The following HCN1 variants were observed in gnomAD, a reference collection of about 807,000 sequenced individuals.
HCN1 encodes the protein potassium/sodium hyperpolarization-activated cyclic nucleotide-gated channel 1.
HCN1 carries 13 observed loss-of-function variants against 78.9 expected under a neutral mutation model. The observed-to-expected ratio is 0.16, with a 90% CI of 0.11 to 0.26. The LOEUF is 0.26. Ranked by LOEUF, HCN1 falls within the 10% of genes least tolerant of loss-of-function variation. HCN1 has a pLI of 1.00. For synonymous variants in HCN1, 552 were observed against 455.5 expected (o/e 1.21, Z -2.70); for missense variants, 810 against 1,154.3 (o/e 0.70, Z 4.32).
In HCN1 at chr5:45,262,030, C is replaced by T. The variant is rs755932633; in HGVS notation, c.2564G>A (p.Gly855Glu). The T allele has an allele frequency of 1.9e-6, 3 of 1,613,986 alleles. No homozygotes were observed. Among genetic ancestry groups the T allele is most frequent in the African/African-American group, 2.7e-5 (2 of 75,024 alleles). Residue 855 changes from glycine (G) to glutamate (E), a missense_variant, in exon 8 of 8, where the codon GGA becomes GAA. Coordinates refer to ENST00000303230, the MANE Select transcript of HCN1 (RefSeq NM_021072.4). ...TGGTGGAGGGGGTGCTGGAGGGACT[C>T]CTCGGTTCGGGGGGATGGCTCCCGA... is the stretch of plus-strand genomic sequence containing the variant. ...MSSGAIPPNRGVPPAPPPPAA... is the reference protein window; with the variant it reads ...MSSGAIPPNREVPPAPPPPAA...
chr5:45,668,796 T>A (rs1253616025), intron 1 of HCN1, among the ~76,000 whole-genome samples: 5 of 151,790 alleles, frequency 3.3e-5, no homozygotes, highest in African/African-American at 1.2e-4. Context: ...TTTTCCAAAT[T>A]AATTGCTCTT....
At chr5:45,501,602 G>A (rs944488466) in intron 2 of HCN1, among the ~76,000 whole-genome samples, 1 of 151,890 alleles carries the variant, frequency 6.6e-6, no homozygotes, top group Non-Finnish European at 1.5e-5. Context: ...CACCACGCCC[G>A]GTTAATTTTT....
chr5:45,476,856 T>G (rs746385753), intron 2 of HCN1, among the ~76,000 whole-genome samples: 1 of 152,104 alleles, frequency 6.6e-6, no homozygotes, highest in East Asian at 1.9e-4. Context: ...ATGCACAAAA[T>G]TAATTAATAT....
At chr5:45,314,030 C>T (rs1023377969) in intron 5 of HCN1, among the ~76,000 whole-genome samples, 14 of 151,674 alleles carry the variant, frequency 9.2e-5, no homozygotes, top group Middle Eastern at 3.4e-3. Context: ...CACAAAGATA[C>T]GAGAAGAGCA....
At chr5:45,439,803 G>A (rs1033472040) in intron 3 of HCN1, among the ~76,000 whole-genome samples, 1 of 151,826 alleles carries the variant, frequency 6.6e-6, no homozygotes, top group Non-Finnish European at 1.5e-5. Context: ...GTTCACAGAC[G>A]AAGACAAACT....
chr5:45,524,974 G>C (rs1273688344), intron 2 of HCN1, among the ~76,000 whole-genome samples: 2 of 152,082 alleles, frequency 1.3e-5, no homozygotes, highest in African/African-American at 4.8e-5. Flanking sequence ...TGCCCATTCA[G>C]TATGATATTG....
chr5:45,689,334 G>C (rs530478592), intron 1 of HCN1, among the ~76,000 whole-genome samples: 2 of 152,130 alleles, frequency 1.3e-5, no homozygotes, highest in African/African-American at 4.8e-5. Flanking sequence ...AGAAAGTTTG[G>C]CAAGAAAAGT....
chr5:45,504,324 C>A (rs1742251285), intron 2 of HCN1, among the ~76,000 whole-genome samples: 1 of 152,084 alleles, frequency 6.6e-6, no homozygotes, highest in African/African-American at 2.4e-5. Context: ...TTGTTCAATT[C>A]CCACCTATGA....
chr5:45,269,899 C>T (rs369514723), intron 6 of HCN1, among the ~76,000 whole-genome samples: 1 of 152,274 alleles, frequency 6.6e-6, no homozygotes, highest in Non-Finnish European at 1.5e-5. Flanking sequence ...GTTCTTTGTA[C>T]GTATATTCCA....
rs1741669975 is a variant in HCN1, at chr5:45,482,251, T to TCACAAACAGTGGCAG, written c.850-20259_850-20245dup. Among the ~76,000 whole-genome samples, 4 of 152,274 alleles carry TCACAAACAGTGGCAG rather than the reference T, an allele frequency of 2.6e-5. No individual in the cohort carries two copies. The South Asian group carries it at 8.3e-4, about 32-fold the overall frequency. ...GTCAGGAATTAGAAGGTAGGCAGGT[T>TCACAAACAGTGGCAG]CACAAACAGTGGCAGCACCAACAGT... On this transcript the variant is annotated intron_variant, in intron 2 of 7. Coordinates refer to ENST00000303230, the MANE Select transcript of HCN1 (RefSeq NM_021072.4).
At chr5:45,693,306 A>G (rs1452846469) in intron 1 of HCN1, among the ~76,000 whole-genome samples, 1 of 151,678 alleles carries the variant, frequency 6.6e-6, no homozygotes, top group Non-Finnish European at 1.5e-5. Flanking sequence ...AAACAAGTAC[A>G]TGATTATTTT....
At chr5:45,649,216 T>C (rs1027480268) in intron 1 of HCN1, among the ~76,000 whole-genome samples, 1 of 152,180 alleles carries the variant, frequency 6.6e-6, no homozygotes, top group East Asian at 1.9e-4. Context: ...GTTTCTTAGT[T>C]TGTTTGTGTG....
chr5:45,358,129 T>C (rs1015919793), intron 4 of HCN1, among the ~76,000 whole-genome samples: 1 of 151,984 alleles, frequency 6.6e-6, no homozygotes, highest in African/African-American at 2.4e-5. Flanking sequence ...AATTACCCGA[T>C]CTTAGGTTTT....
intron 1 of HCN1, 150 bp downstream of exon 1, chr5:45,695,519 G>C (rs1054509536): frequency 8.5e-6 from 6 of 708,844 alleles, no homozygotes; most frequent in Middle Eastern, 3.9e-4. Context: ...GAGGCGCCGA[G>C]TGGAGCCTGC....
chr5:45,491,676 T>G (rs1741889184), intron 2 of HCN1, among the ~76,000 whole-genome samples: 2 of 152,200 alleles, frequency 1.3e-5, no homozygotes, highest in Admixed American at 6.5e-5. Context: ...ACATTTTCAG[T>G]TGAATAACGT....
intron 2 of HCN1, among the ~76,000 whole-genome samples, chr5:45,634,410 C>T (rs1034958049): frequency 6.6e-6 from 1 of 151,908 alleles, no homozygotes; most frequent in African/African-American, 2.4e-5. Context: ...TTATTAATAT[C>T]ACAATTCCCA....
At chr5:45,613,973 C>T (rs1744893724) in intron 2 of HCN1, among the ~76,000 whole-genome samples, 1 of 151,866 alleles carries the variant, frequency 6.6e-6, no homozygotes, top group African/African-American at 2.4e-5. Context: ...AAAATAAGTC[C>T]AGTAATCATT....
intron 3 of HCN1, among the ~76,000 whole-genome samples, chr5:45,416,117 A>C (rs1043048246): frequency 6.6e-6 from 1 of 152,054 alleles, no homozygotes; most frequent in Admixed American, 6.6e-5. Flanking sequence ...ATATATGTAT[A>C]GCAGATATCA....
intron 2 of HCN1, among the ~76,000 whole-genome samples, chr5:45,554,755 C>T (rs1743439171): frequency 6.6e-6 from 1 of 151,694 alleles, no homozygotes; most frequent in Admixed American, 6.6e-5. Context: ...TGAAATTTTG[C>T]TAAGGGCAAT....
Sources: gnomAD v4.1 joint callset for allele counts (sites outside exome capture counted in the v4.1 genomes callset) on GRCh38, gnomAD v4.1.1 for gene constraint, MANE v1.5 for transcripts, NCBI Gene and HGNC (gene_info 2026-07-23, HGNC 2026-07-21) for gene names.